Variants in CRAMP1 observed in about 807,000 individuals in gnomAD.
The protein encoded by CRAMP1 is cramped chromatin regulator 1.
Under a neutral mutation model 115.4 loss-of-function variants are expected in CRAMP1, and 50 were observed. The observed-to-expected ratio is 0.43, with a 90% CI of 0.35 to 0.55. The LOEUF is 0.55. CRAMP1 is among the 20% of genes least tolerant of loss of function. The pLI, the probability that CRAMP1 is intolerant of heterozygous loss-of-function variation, is 0.01. For missense variants in CRAMP1, 1,679 were observed against 1,721.7 expected (o/e 0.98, Z 0.44); for synonymous variants, 866 against 745.4 (o/e 1.16, Z -2.64).
At position 1,659,954 on chromosome 16, in the gene CRAMP1, C is replaced by T. The variant is rs767740646; in HGVS notation, c.2304C>T (p.Pro768=). 1.2e-6 allele frequency: 2 copies of T among 1,611,310 alleles called. No individual in the cohort carries two copies. Among genetic ancestry groups the T allele is most frequent in the Admixed American group, 1.7e-5 (1 of 60,016 alleles). The change falls in exon 11 of 21, where the codon CCC becomes CCT. Residue 768 remains proline, a synonymous_variant. Transcript: ENST00000397412. ...RPAQEEQSMT[P]PGKVVTVSSR... The stretch of plus-strand genomic sequence containing the variant: ...CCCAGGAGGAGCAGTCGATGACGCC[C>T]CCAGGGAAGGTGGTGACCGTCAGCT...
intron 13 of CRAMP1, 89 bp from the exon 14 acceptor site, chr16:1,664,968 C>G (rs903459548): frequency 3.3e-6 from 3 of 901,490 alleles, no homozygotes; most frequent in Non-Finnish European, 5.5e-6. Context: ...TGCTGGGCAC[C>G]CTCTTACTTG....
Position 1,656,626 on chromosome 16 carries a change from C to T in CRAMP1, c.1869C>T (p.Leu623=). ...TGPSPRPGPG[L]LLDVCTKDLA... is the part of the protein sequence containing the mutation. ...CATCCCCGAGGCCCGGCCCCGGGCT[C>T]CTGCTGGATGTTTGCACTAAAGACT... Residue 623 remains leucine, a synonymous_variant, in exon 10 of 21, where the codon CTC becomes CTT. Transcript: ENST00000397412. This position sits in a 1 kb window ranked among gnomAD's most constrained non-coding sequence, Gnocchi z 5.6. The T allele has an allele frequency of 6.3e-7, 1 of 1,577,188 alleles. No individual in the cohort carries two copies. Among genetic ancestry groups the T allele is most frequent in the Non-Finnish European group, 8.6e-7 (1 of 1,162,552 alleles).
intron 10 of CRAMP1, among the ~76,000 whole-genome samples, chr16:1,659,465 A>G (rs2036804821): frequency 6.6e-6 from 1 of 151,434 alleles, no homozygotes; most frequent in African/African-American, 2.4e-5. Context: ...ATCTCGGCCC[A>G]CTGCAAGCTC....
intron 2 of CRAMP1, among the ~76,000 whole-genome samples, chr16:1,615,408 G>A (rs2036410524): frequency 6.6e-6 from 1 of 152,184 alleles, no homozygotes; most frequent in African/African-American, 2.4e-5. Context: ...ACTCATTGGG[G>A]GGAAGATGGG....
At chr16:1,639,324 C>T (rs189566406) in intron 5 of CRAMP1, among the ~76,000 whole-genome samples, 29 of 151,836 alleles carry the variant, frequency 1.9e-4, no homozygotes, top group African/African-American at 7.0e-4. Flanking sequence ...AACCAAAGTA[C>T]ACTCCACAGG....
At position 1,668,065 on chromosome 16, in the gene CRAMP1, C is replaced by T. The variant is rs961673221; in HGVS notation, c.3206C>T (p.Pro1069Leu). The change falls in exon 18 of 21, where the codon CCA (proline) becomes CTA (leucine). Residue 1069 changes from proline to leucine, a missense_variant. Pro to Leu is a moderately conservative substitution (Grantham distance 98). Coordinates refer to ENST00000397412, the MANE Select transcript of CRAMP1 (RefSeq NM_020825.4). ...SSESSSTRLSPPDVSALLDIS... is the reference protein window; with the variant it reads ...SSESSSTRLSLPDVSALLDIS... ...GAGAGCTCCAGCACCCGGCTGTCTCCACCAGACGTCTCTGCTCTGCTCGAC... is the reference window on the plus strand; with the variant it reads ...GAGAGCTCCAGCACCCGGCTGTCTCTACCAGACGTCTCTGCTCTGCTCGAC... 6 of 1,613,828 alleles carry T rather than the reference C, an allele frequency of 3.7e-6. No individual in the cohort carries two copies. In the African/African-American group the frequency reaches 6.7e-5, roughly 18 times the overall value.
At chr16:1,613,029 A>T (rs2036373458) in intron 1 of CRAMP1, among the ~76,000 whole-genome samples, 1 of 150,816 alleles carries the variant, frequency 6.6e-6, no homozygotes, top group Non-Finnish European at 1.5e-5. Context: ...GGGCGAGTTC[A>T]CTCTGGTGGC....
intron 11 of CRAMP1, among the ~76,000 whole-genome samples, 186 bp from the exon 12 acceptor site, chr16:1,662,304 A>G (rs2036838291): frequency 6.6e-6 from 1 of 152,232 alleles, no homozygotes; most frequent in East Asian, 1.9e-4. Flanking sequence ...TGGGAACAAG[A>G]ATTTCAGTGA....
At chr16:1,652,928 G>A (rs1400134935) in intron 7 of CRAMP1, 105 bp from the exon 8 acceptor site, 1 of 1,365,128 alleles carries the variant, frequency 7.3e-7, no homozygotes, top group East Asian at 2.4e-5. Context: ...CTGTTTGCAA[G>A]GCCATCTGCT....
At chr16:1,661,066 A>T (rs1200359631) in intron 11 of CRAMP1, among the ~76,000 whole-genome samples, 1 of 152,162 alleles carries the variant, frequency 6.6e-6, no homozygotes, top group East Asian at 1.9e-4. Context: ...ACAGTGGCTC[A>T]TGCCTATAAT....
At chr16:1,616,981 ATT>A (rs547298817) in intron 2 of CRAMP1, among the ~76,000 whole-genome samples, 4 of 137,570 alleles carry the variant, frequency 2.9e-5, no homozygotes, top group African/African-American at 2.7e-5. Flanking sequence ...CACCCAGCTA[ATT>A]TTTTTTTTTT....
chr16:1,652,692 T>G, intron 7 of CRAMP1, 111 bp downstream of exon 7: 1 of 960,312 alleles, frequency 1.0e-6, no homozygotes, highest in Non-Finnish European at 1.6e-6. Context: ...TGTCTGACCC[T>G]GCTTAATCCC....
rs1269546394 is a variant in CRAMP1, at chr16:1,666,820, A to G, written c.3036+220A>G. Among the ~76,000 whole-genome samples the G allele has an allele frequency of 6.6e-6, 1 of 152,238 alleles. No homozygotes were observed. ...GGACAGGCTTGCCATGTGGCACTGGAGAACTCAGAGCTAAGACGGTGTGGA... is the reference window on the plus strand; with the variant it reads ...GGACAGGCTTGCCATGTGGCACTGGGGAACTCAGAGCTAAGACGGTGTGGA... On this transcript the variant is annotated intron_variant, in intron 16 of 20. Transcript: ENST00000397412. The surrounding 1 kb of genome is among the most constrained non-coding windows in gnomAD (Gnocchi z 5.0).
chr16:1,623,903 A>G (rs546642629), intron 2 of CRAMP1, among the ~76,000 whole-genome samples: 102 of 152,346 alleles, frequency 6.7e-4, no homozygotes, highest in African/African-American at 2.4e-3. Flanking sequence ...AGCACAGAGC[A>G]TATGCATACC....
chr16:1,642,138 C>T (rs1387114184), intron 6 of CRAMP1, among the ~76,000 whole-genome samples: 1 of 152,336 alleles, frequency 6.6e-6, no homozygotes, highest in African/African-American at 2.4e-5. Context: ...GTATGCCACC[C>T]GCACCCAAGA....
At position 1,614,098 on chromosome 16, in the gene CRAMP1, AGCCCCGCGCCTTTC is replaced by A. The variant is rs2036392837; in HGVS notation, c.-1-539_-1-526del. Among the ~76,000 whole-genome samples the A allele has an allele frequency of 1.2e-5, 1 of 81,138 alleles. No homozygotes were observed. Among genetic ancestry groups the A allele is most frequent in the Non-Finnish European group, 2.3e-5 (1 of 43,674 alleles). 53.2% of individuals were successfully genotyped at this position (81,138 alleles called of 152,430 possible). A position where few individuals can be genotyped will look rare whatever the true frequency, so the allele number is the denominator to read the frequency against. On this transcript the variant is annotated intron_variant, in intron 1 of 20. Transcript: ENST00000397412. The surrounding 1 kb of genome is among the most constrained non-coding windows in gnomAD (Gnocchi z 4.4). ...GTGGGGCAGGTGCGCGGGGCCCGGGAGCCCCGCGCCTTTCGGGGGGCGGGGAGGGGGTGGGACGA... is the reference window on the plus strand; with the variant it reads ...GTGGGGCAGGTGCGCGGGGCCCGGGAGGGGGGCGGGGAGGGGGTGGGACGA...
chr16:1,677,296 G>A lies in CRAMP1; in HGVS notation c.*3251G>A, dbSNP rs1049796266. On this transcript the variant is annotated 3_prime_UTR_variant, in exon 21 of 21. Transcript: ENST00000397412. ...TGTCTCTACTAAAAGTACAGAATTA[G>A]CCGGGCGTGGTGGCGCATGCCCATA... 1 of 152,202 alleles carries A rather than the reference G, an allele frequency of 6.6e-6. No individual in the cohort carries two copies. The highest frequency in any genetic ancestry group is 2.4e-5 in the African/African-American group (1 of 41,450). The allele number at this position is 152,202 out of a possible 1,614,324, so 9.4% of individuals were successfully genotyped here.
chr16:1,630,724 T>A lies in CRAMP1; in HGVS notation c.541-1488T>A, dbSNP rs184664317. Among the ~76,000 whole-genome samples, 309 of 152,292 alleles carry A rather than the reference T, an allele frequency of 2.0e-3. 1 individual carries two copies. The highest frequency in any genetic ancestry group is 7.1e-3 in the African/African-American group (295 of 41,562). On this transcript the variant is annotated intron_variant, in intron 3 of 20. Coordinates refer to ENST00000397412, the MANE Select transcript of CRAMP1 (RefSeq NM_020825.4). ...ACAGCTCCTGGGTTTTTGTTTTTTG[T>A]TTGCATGTTTTTTTGTCGTTGATGA...
chr16:1,614,594 G>T lies in CRAMP1; in HGVS notation c.-1-45G>T. The T allele has an allele frequency of 8.5e-7, 1 of 1,174,216 alleles. No homozygotes were observed. Among genetic ancestry groups the T allele is most frequent in the African/African-American group, 1.6e-5 (1 of 62,514 alleles). The allele number at this position is 1,174,216 out of a possible 1,614,324, so 72.7% of individuals were successfully genotyped here. A position where few individuals can be genotyped will look rare whatever the true frequency, so the allele number is the denominator to read the frequency against. On this transcript the variant is annotated intron_variant, in intron 1 of 20. Transcript: ENST00000397412. The surrounding 1 kb of genome is among the most constrained non-coding windows in gnomAD (Gnocchi z 4.4). ...GCGCGTCGGGGCCGCTAAACTTCCCGGCCTGCGCCCGCCTCACCGGCCGCC... is the reference window on the plus strand; with the variant it reads ...GCGCGTCGGGGCCGCTAAACTTCCCTGCCTGCGCCCGCCTCACCGGCCGCC...
Sources: gnomAD v4.1 joint callset for allele counts (sites outside exome capture counted in the v4.1 genomes callset) on GRCh38, gnomAD v4.1.1 for gene constraint, Gnocchi (gnomAD v3.1) non-coding constraint, MANE v1.5 for transcripts, NCBI Gene and HGNC (gene_info 2026-07-23, HGNC 2026-07-21) for gene names.